Variants in PLCL2 observed in about 807,000 individuals in gnomAD.
The protein encoded by PLCL2 is inactive phospholipase C-like protein 2.
Under a neutral mutation model 79.6 loss-of-function variants are expected in PLCL2, and 4 were observed. That is an observed-to-expected ratio of 0.05 (90% CI 0.02 to 0.11). The LOEUF (loss-of-function observed/expected upper bound fraction) is 0.11, where lower values mean the gene tolerates loss of function less well. PLCL2 is among the 10% of genes least tolerant of loss of function. The pLI, the probability that PLCL2 is intolerant of heterozygous loss-of-function variation, is 1.00. For synonymous variants in PLCL2, 484 were observed against 457.7 expected (o/e 1.06, Z -0.73); for missense variants, 895 against 1,291.0 (o/e 0.69, Z 4.70).
chr3:16,928,023 C>T (rs1415421575), intron 1 of PLCL2, among the ~76,000 whole-genome samples: 1 of 152,232 alleles, frequency 6.6e-6, no homozygotes, highest in South Asian at 2.1e-4. Flanking sequence ...TGCTCCAACT[C>T]TCATTTTCCA....
At chr3:17,067,912 A>G (rs374074590) in intron 4 of PLCL2, 44 bp from the exon 5 acceptor site, 9 of 1,064,538 alleles carry the variant, frequency 8.5e-6, no homozygotes, top group Non-Finnish European at 1.3e-5. Flanking sequence ...ATTACCACAG[A>G]TTGGATGGGA....
intron 1 of PLCL2, among the ~76,000 whole-genome samples, chr3:16,918,376 A>G (rs1022008985): frequency 3.3e-5 from 5 of 152,194 alleles, no homozygotes; most frequent in East Asian, 3.9e-4. Flanking sequence ...ACAAAATTCA[A>G]TTTGTGTCTC....
At chr3:16,956,595 G>C (rs1480509657) in intron 1 of PLCL2, among the ~76,000 whole-genome samples, 1 of 152,168 alleles carries the variant, frequency 6.6e-6, no homozygotes, top group African/African-American at 2.4e-5. Flanking sequence ...AATAGTTTCA[G>C]AAGGAATGGT....
At chr3:17,031,966 T>C (rs2064588225) in intron 3 of PLCL2, among the ~76,000 whole-genome samples, 1 of 147,262 alleles carries the variant, frequency 6.8e-6, no homozygotes, top group Non-Finnish European at 1.5e-5. Flanking sequence ...CCTATGAATA[T>C]CAAATTGTTC....
intron 1 of PLCL2, among the ~76,000 whole-genome samples, chr3:16,957,700 A>G (rs2063719337): frequency 6.6e-6 from 1 of 152,120 alleles, no homozygotes; most frequent in Non-Finnish European, 1.5e-5. Context: ...TTGCTTTATG[A>G]ATCTGGGTGC....
rs986882018 is a variant in PLCL2 at position 16,916,125 on chromosome 3, A to G, written c.327+30759A>G. Reference sequence around the variant, plus strand: ...TTGTTGCAGACGACAGCCGACTTTAATATTATAGCACCAGCACGGTACAGT... The same window carrying G: ...TTGTTGCAGACGACAGCCGACTTTAGTATTATAGCACCAGCACGGTACAGT... On this transcript the variant is annotated intron_variant, in intron 1 of 5. Transcript: ENST00000615277. Among the ~76,000 whole-genome samples the G allele has an allele frequency of 2.6e-5, 4 of 152,202 alleles. No individual in the cohort carries two copies. In the East Asian group the frequency reaches 7.7e-4, roughly 29 times the overall value.
At chr3:16,984,833 G>C (rs1345609639) in intron 1 of PLCL2, among the ~76,000 whole-genome samples, 2 of 152,016 alleles carry the variant, frequency 1.3e-5, no homozygotes, top group Non-Finnish European at 2.9e-5. Context: ...TCGGGACGCT[G>C]AGGCAGGATA....
intron 1 of PLCL2, among the ~76,000 whole-genome samples, chr3:16,935,780 C>G (rs1191702790): frequency 6.6e-6 from 1 of 152,208 alleles, no homozygotes; most frequent in Non-Finnish European, 1.5e-5. Context: ...CATCAGGGAA[C>G]CTGTGCCATT....
chr3:17,042,959 A>T lies in PLCL2; in HGVS notation c.3094+10A>T. 1 of 1,588,188 alleles carries T rather than the reference A, an allele frequency of 6.3e-7. No individual in the cohort carries two copies. The highest frequency in any genetic ancestry group is 8.6e-7 in the Non-Finnish European group (1 of 1,156,576). On this transcript the variant is annotated intron_variant, in intron 4 of 5. Coordinates refer to ENST00000615277, the MANE Select transcript of PLCL2 (RefSeq NM_001144382.2). The stretch of plus-strand genomic sequence containing the variant: ...CATTGTCAGAAGGCAGGTAAGTGAA[A>T]GTTTGTTTCCTCTCTTTAAATGAAA...
At chr3:17,081,682 T>A (rs939853890) in intron 5 of PLCL2, 1 of 155,348 alleles carries the variant, frequency 6.4e-6, no homozygotes, top group Non-Finnish European at 1.4e-5. Flanking sequence ...GGTGCGGTTC[T>A]GGCATTTGGA....
chr3:17,007,627 AAAGTTT>A (rs1180720597), intron 1 of PLCL2, among the ~76,000 whole-genome samples: 2 of 152,236 alleles, frequency 1.3e-5, no homozygotes, highest in East Asian at 1.9e-4. Flanking sequence ...CATATGATTT[AAAGTTT>A]AAGTTTAATT....
chr3:17,090,036 C>T lies in PLCL2; in HGVS notation c.*124C>T, dbSNP rs184417296. 1.1e-4 allele frequency: 161 copies of T among 1,416,854 alleles called. No individual in the cohort carries two copies. In the East Asian group the frequency reaches 4.1e-3, roughly 36 times the overall value. The allele number at this position is 1,416,854 out of a possible 1,614,324, so 87.8% of individuals were successfully genotyped here. ...GGATTTTAAAGCACAACTGGAATAGCTAATTACAGTCTATTAAAACTGTGA... is the reference window on the plus strand; with the variant it reads ...GGATTTTAAAGCACAACTGGAATAGTTAATTACAGTCTATTAAAACTGTGA... On this transcript the variant is annotated 3_prime_UTR_variant, in exon 6 of 6. Transcript: ENST00000615277.
intron 1 of PLCL2, among the ~76,000 whole-genome samples, chr3:16,998,999 G>C (rs2064180646): frequency 6.6e-6 from 1 of 152,080 alleles, no homozygotes; most frequent in African/African-American, 2.4e-5. Context: ...GTCACAAAGT[G>C]CTTTGAGTGA....
At chr3:17,045,813 G>A (rs2064774205) in intron 4 of PLCL2, among the ~76,000 whole-genome samples, 1 of 152,210 alleles carries the variant, frequency 6.6e-6, no homozygotes, top group Non-Finnish European at 1.5e-5. Flanking sequence ...CAGAAAGGGA[G>A]AAAGGCTCCT....
intron 3 of PLCL2, among the ~76,000 whole-genome samples, chr3:17,038,458 A>G (rs1478424764): frequency 6.6e-6 from 1 of 152,218 alleles, no homozygotes; most frequent in Non-Finnish European, 1.5e-5. Context: ...TTGGCCTTGC[A>G]TTCTAGTGAC....
chr3:16,893,763 A>T (rs542619717), intron 1 of PLCL2, among the ~76,000 whole-genome samples: 1 of 152,200 alleles, frequency 6.6e-6, no homozygotes, highest in African/African-American at 2.4e-5. Flanking sequence ...TTTTTTGTGA[A>T]TTTGTTTTTT....
chr3:17,089,885 A>G lies in PLCL2; in HGVS notation c.3357A>G (p.Glu1119=). 3 of 1,613,270 alleles carry G rather than the reference A, an allele frequency of 1.9e-6. No homozygotes were observed. Among genetic ancestry groups the G allele is most frequent in the Non-Finnish European group, 2.5e-6 (3 of 1,179,802 alleles). The change falls in exon 6 of 6, where the codon GAA becomes GAG. Residue 1119 remains glutamate (E), a synonymous_variant. Transcript: ENST00000615277. ...GCCGGAGCTTGGAAGTCATACCCGAAAAAGCAAACGATGAAACTGGAGAAT... is the reference window on the plus strand; with the variant it reads ...GCCGGAGCTTGGAAGTCATACCCGAGAAAGCAAACGATGAAACTGGAGAAT... ...KPRRSLEVIP[E]KANDETGE is the part of the protein sequence containing the mutation.
chr3:16,921,599 A>G (rs943202475), intron 1 of PLCL2, among the ~76,000 whole-genome samples: 4 of 152,212 alleles, frequency 2.6e-5, no homozygotes, highest in African/African-American at 9.7e-5. Context: ...AATGAGAAAA[A>G]CAGGAGATGT....
At chr3:16,932,879 G>A (rs1208720011) in intron 1 of PLCL2, among the ~76,000 whole-genome samples, 1 of 152,208 alleles carries the variant, frequency 6.6e-6, no homozygotes, top group African/African-American at 2.4e-5. Context: ...GGAGAAGTCT[G>A]TTGGAGAAGA....
Sources: allele counts gnomAD v4.1 joint callset (sites outside exome capture counted in the v4.1 genomes callset), GRCh38; gene constraint gnomAD v4.1.1; transcripts MANE v1.5; gene names NCBI Gene and HGNC (gene_info 2026-07-23, HGNC 2026-07-21).